The following RTN4 variants were observed in gnomAD, a reference collection of about 807,000 sequenced individuals.
The protein encoded by RTN4 is reticulon-4.
RTN4 carries 32 observed loss-of-function variants against 90.4 expected under a neutral mutation model. The observed-to-expected ratio is 0.35, with a 90% CI of 0.27 to 0.48. The LOEUF is 0.48. Among genes scored for constraint, RTN4 ranks in the 20% least tolerant of loss-of-function variants. The pLI is 0.99. For synonymous variants in RTN4, 629 were observed against 552.5 expected, an observed-to-expected ratio of 1.14 and a Z score of -1.94; for missense variants, 1,706 against 1,430.2, an observed-to-expected ratio of 1.19 and a Z score of -3.11.
At chr2:55,029,776 GCA>G (rs1040558105) in intron 1 of RTN4, among the ~76,000 whole-genome samples, 1 of 152,110 alleles carries the variant, frequency 6.6e-6, no homozygotes, top group Non-Finnish European at 1.5e-5. Flanking sequence ...CCAACCTAGA[GCA>G]CTAGGTAGGA....
rs1668016521 is a variant in RTN4, at chr2:55,110,347, C to A, written c.-214+2173G>T. On this transcript the variant is annotated intron_variant, in intron 1 of 3. Transcript: ENST00000427710. ...AAAAAAAAAATTCTGGAATCTCGTGCCTCTCATCAATAGAAAGCAGCTGTA... is the reference window on the plus strand; with the variant it reads ...AAAAAAAAAATTCTGGAATCTCGTGACTCTCATCAATAGAAAGCAGCTGTA... 2.0e-5 allele frequency among the ~76,000 whole-genome samples: 3 copies of A among 150,658 alleles called. No individual in the cohort carries two copies. In the South Asian group the frequency reaches 6.3e-4, roughly 32 times the overall value.
At chr2:55,000,927 G>A (rs1375957406) in intron 3 of RTN4, among the ~76,000 whole-genome samples, 4 of 151,984 alleles carry the variant, frequency 2.6e-5, no homozygotes, top group Non-Finnish European at 5.9e-5. Flanking sequence ...ACCATGTTTT[G>A]TTTAAATTGT....
upstream of RTN4, among the ~76,000 whole-genome samples, chr2:55,054,069 C>G (rs1668147889): frequency 6.6e-6 from 1 of 151,790 alleles, no homozygotes; most frequent in Admixed American, 6.6e-5. Flanking sequence ...TCAATACATG[C>G]AAAAAAATTA....
chr2:55,035,625 T>C (rs575771668), intron 1 of RTN4, among the ~76,000 whole-genome samples: 1 of 144,424 alleles, frequency 6.9e-6, no homozygotes, highest in Non-Finnish European at 1.5e-5. Context: ...GAAAACAGAT[T>C]AAAAAAAAAA....
Position 54,972,598 on chromosome 2 carries a change from C to G in RTN4, c.*558G>C, listed in dbSNP as rs1677152775. The G allele has an allele frequency of 6.6e-6, 1 of 152,628 alleles. No individual in the cohort carries two copies. The highest frequency in any genetic ancestry group is 1.5e-5 in the Non-Finnish European group (1 of 68,036). The allele number at this position is 152,628 out of a possible 1,614,324, so 9.5% of individuals were successfully genotyped here. A position where few individuals can be genotyped will look rare whatever the true frequency, so the allele number is the denominator to read the frequency against. On this transcript the variant is annotated 3_prime_UTR_variant, in exon 9 of 9. Coordinates refer to ENST00000337526, the MANE Select transcript of RTN4 (RefSeq NM_020532.5). Reference sequence around the variant, plus strand: ...GTAAAGGTCTAAGCTTTGTGAAACACTATACATATATAATCTATATTTACT... The same window carrying G: ...GTAAAGGTCTAAGCTTTGTGAAACAGTATACATATATAATCTATATTTACT...
At chr2:54,977,957 G>A (rs965257895) in intron 5 of RTN4, among the ~76,000 whole-genome samples, 2 of 152,122 alleles carry the variant, frequency 1.3e-5, no homozygotes, top group Admixed American at 1.3e-4. Flanking sequence ...TCACACCGGT[G>A]TTTATAAAAG....
At chr2:55,120,187 C>T in the RTN4 span, among the ~76,000 whole-genome samples, 1 of 152,226 alleles carries the variant, frequency 6.6e-6, no homozygotes, top group African/African-American at 2.4e-5. Context: ...CTGAAGAAAG[C>T]AACCCTGTGT....
chr2:55,076,389 C>CTTTTTTTTT lies in RTN4; in HGVS notation c.-63+4091_-63+4099dup, dbSNP rs58070912. Among the ~76,000 whole-genome samples, 23 of 64,632 alleles carry CTTTTTTTTT rather than the reference C, an allele frequency of 3.6e-4. 1 individual carries two copies. The highest frequency in any genetic ancestry group is 1.1e-3 in the African/African-American group (17 of 14,944). The allele number at this position is 64,632 out of a possible 152,430, so 42.4% of individuals were successfully genotyped here. The stretch of plus-strand genomic sequence containing the variant: ...TGTCCCCACCCAAATTTCTTTTGTT[C>CTTTTTTTTT]TTTTTTTTTTTTTTTTTTTTTTTTT... On this transcript the variant is annotated intron_variant, in intron 2 of 3. Coordinates refer to the RTN4 transcript ENST00000427710.
At chr2:55,123,049 TTAGAAA>T in the RTN4 span, among the ~76,000 whole-genome samples, 4 of 152,158 alleles carry the variant, frequency 2.6e-5, no homozygotes, top group Non-Finnish European at 5.9e-5. Flanking sequence ...ATCCACAGAC[TTAGAAA>T]TAGAAATTAA....
chr2:54,973,945 T>A, intron 6 of RTN4, 78 bp from the exon 7 acceptor site: 7 of 1,264,244 alleles, frequency 5.5e-6, no homozygotes, highest in Non-Finnish European at 7.9e-6. Context: ...ACTATTAAAC[T>A]GGCAACTCAA....
intron 6 of RTN4, among the ~76,000 whole-genome samples, chr2:54,974,422 G>A (rs547934823): frequency 1.5e-3 from 232 of 152,324 alleles, no homozygotes; most frequent in Non-Finnish European, 2.7e-3. Flanking sequence ...TGGGATTACA[G>A]GCGTGCGCCA....
At chr2:55,105,774 C>T (rs1004520349) in intron 1 of RTN4, among the ~76,000 whole-genome samples, 1 of 151,952 alleles carries the variant, frequency 6.6e-6, no homozygotes, top group Non-Finnish European at 1.5e-5. Context: ...GGATACAAGA[C>T]CAACCTGGGC....
chr2:55,069,493 G>T (rs1184370228), intron 2 of RTN4, among the ~76,000 whole-genome samples: 1 of 152,070 alleles, frequency 6.6e-6, no homozygotes, highest in African/African-American at 2.4e-5. Flanking sequence ...CTATCCACAG[G>T]GTTTATTGCT....
At chr2:55,076,117 A>G (rs2105023027) in intron 2 of RTN4, among the ~76,000 whole-genome samples, 1 of 152,350 alleles carries the variant, frequency 6.6e-6, no homozygotes, top group South Asian at 2.1e-4. Flanking sequence ...TGCACAGCAA[A>G]AGAAATAATC....
chr2:55,078,081 AG>A (rs1668636077), intron 2 of RTN4, among the ~76,000 whole-genome samples: 1 of 152,060 alleles, frequency 6.6e-6, no homozygotes, highest in African/African-American at 2.4e-5. Context: ...TACAGTGTAT[AG>A]TGCTCAGGTG....
chr2:55,035,494 G>C (rs1682615102), intron 1 of RTN4, among the ~76,000 whole-genome samples: 1 of 152,084 alleles, frequency 6.6e-6, no homozygotes, highest in African/African-American at 2.4e-5. Flanking sequence ...GAAATGTATA[G>C]CTTTTAAATG....
chr2:55,093,957 T>C (rs1351531279), intron 1 of RTN4, among the ~76,000 whole-genome samples: 1 of 152,200 alleles, frequency 6.6e-6, no homozygotes, highest in Non-Finnish European at 1.5e-5. Flanking sequence ...GACATGGAAA[T>C]AGCATGAAAG....
intron 3 of RTN4, among the ~76,000 whole-genome samples, chr2:54,995,709 A>G (rs1679369949): frequency 1.3e-5 from 2 of 152,078 alleles, no homozygotes; most frequent in African/African-American, 4.8e-5. Context: ...CACAGGGCAC[A>G]CTCATACACA....
chr2:55,006,323 C>T (rs568468858), intron 3 of RTN4, among the ~76,000 whole-genome samples: 3 of 152,124 alleles, frequency 2.0e-5, no homozygotes, highest in Non-Finnish European at 2.9e-5. Flanking sequence ...AAAGGAGAGT[C>T]GTTCCAATCA....
Sources: gnomAD v4.1 joint callset for allele counts (sites outside exome capture counted in the v4.1 genomes callset) on GRCh38, gnomAD v4.1.1 for gene constraint, MANE v1.5 for transcripts, NCBI Gene and HGNC (gene_info 2026-07-23, HGNC 2026-07-21) for gene names.